The following CD247 variants were observed in gnomAD, a reference collection of about 807,000 sequenced individuals.
CD247 encodes the protein T-cell surface glycoprotein CD3 zeta chain.
A neutral mutation model predicts 30.0 loss-of-function variants in CD247; 13 were observed. The observed-to-expected ratio is 0.43, with a 90% CI of 0.28 to 0.69. The LOEUF (loss-of-function observed/expected upper bound fraction) is 0.69, where lower values mean the gene tolerates loss of function less well. Ranked by LOEUF, CD247 falls within the 30% of genes least tolerant of loss-of-function variation. CD247 has a pLI of 0.16. For synonymous variants in CD247, 72 were observed against 80.0 expected, an observed-to-expected ratio of 0.90 and a Z score of 0.53; for missense variants, 193 against 212.6, an observed-to-expected ratio of 0.91 and a Z score of 0.57.
chr1:167,469,681 G>A (rs1653419130), intron 1 of CD247, among the ~76,000 whole-genome samples: 1 of 152,006 alleles, frequency 6.6e-6, no homozygotes, highest in African/African-American at 2.4e-5. Flanking sequence ...ATAAAGGAAA[G>A]TGTTCAAGCA....
At chr1:167,497,186 T>C (rs1348109031) in intron 1 of CD247, among the ~76,000 whole-genome samples, 1 of 152,212 alleles carries the variant, frequency 6.6e-6, no homozygotes, top group African/African-American at 2.4e-5. Flanking sequence ...CCATGATTTA[T>C]TGCTAAGTAA....
chr1:167,461,828 A>G (rs922948204), intron 1 of CD247, among the ~76,000 whole-genome samples: 4 of 94,640 alleles, frequency 4.2e-5, no homozygotes, highest in Admixed American at 1.2e-4. Flanking sequence ...AGCCTGGGCG[A>G]CAGGCTCAAA....
Position 167,494,571 on chromosome 1 carries a change from A to G in CD247, c.58+23837T>C, listed in dbSNP as rs1443981783. 6.6e-6 allele frequency among the ~76,000 whole-genome samples: 1 copy of G among 152,108 alleles called. No individual in the cohort carries two copies. The highest frequency in any genetic ancestry group is 1.5e-5 in the Non-Finnish European group (1 of 68,026). ...TGAGAAAATGGGTGGGGAGGTAATA[A>G]TTAGTGAACAGCACCATTCAAAGCT... On this transcript the variant is annotated intron_variant, in intron 1 of 7. Coordinates refer to ENST00000362089, the MANE Select transcript of CD247 (RefSeq NM_198053.3). The surrounding 1 kb of genome is among the most constrained non-coding windows in gnomAD (Gnocchi z 7.3).
rs35198588 is a variant in CD247, at chr1:167,449,922, C to CA, written c.59-9156dup. ...TGGGTGACAAAGTGAGACTCTGTCT[C>CA]AAAAAAAAAAAAATTTCCTGAAGAA... On this transcript the variant is annotated intron_variant, in intron 1 of 7. Coordinates refer to ENST00000362089, the MANE Select transcript of CD247 (RefSeq NM_198053.3). Among the ~76,000 whole-genome samples the CA allele has an allele frequency of 4.5e-3, 613 of 136,386 alleles. 6 individuals carry two copies. The highest frequency in any genetic ancestry group is 0.014 in the African/African-American group (526 of 37,170). 89.5% of individuals were successfully genotyped at this position (136,386 alleles called of 152,430 possible). A position where few individuals can be genotyped will look rare whatever the true frequency, so the allele number is the denominator to read the frequency against.
At chr1:167,435,773 T>C (rs1003559193) in intron 4 of CD247, among the ~76,000 whole-genome samples, 4 of 152,192 alleles carry the variant, frequency 2.6e-5, no homozygotes, top group Non-Finnish European at 5.9e-5. Flanking sequence ...TCACATACCA[T>C]CATTTGGAGC....
chr1:167,477,484 G>T (rs1653798873), intron 1 of CD247, among the ~76,000 whole-genome samples: 1 of 152,092 alleles, frequency 6.6e-6, no homozygotes, highest in Admixed American at 6.6e-5. Context: ...CCCTCCTGTG[G>T]GCTTGGACTC....
At chr1:167,493,037 CTT>C (rs60850667) in intron 1 of CD247, among the ~76,000 whole-genome samples, 15 of 80,358 alleles carry the variant, frequency 1.9e-4, no homozygotes, top group African/African-American at 6.8e-4. Flanking sequence ...AATTTTTCTC[CTT>C]TTTTTTTTTT....
chr1:167,481,305 A>G (rs1236695485), intron 1 of CD247, among the ~76,000 whole-genome samples: 1 of 152,220 alleles, frequency 6.6e-6, no homozygotes, highest in Non-Finnish European at 1.5e-5. Flanking sequence ...ACAAACAAAA[A>G]GAGGCACTGA....
intron 1 of CD247, among the ~76,000 whole-genome samples, chr1:167,506,272 CTTTTCTTTTCTTTTCTTT>C (rs1655121221): frequency 1.7e-4 from 2 of 11,436 alleles, no homozygotes; most frequent in African/African-American, 7.8e-4. Context: ...TTTTCTTTTC[CTTTTCTTTTCTTTTCTTT>C]TTTCTTTTCT....
intron 3 of CD247, among the ~76,000 whole-genome samples, 165 bp from the exon 4 acceptor site, chr1:167,438,815 A>G (rs569940419): frequency 6.6e-6 from 1 of 152,296 alleles, no homozygotes; most frequent in East Asian, 1.9e-4. Context: ...ATCATCCCAG[A>G]GGACATCTCA....
chr1:167,484,916 G>A (rs555670865), intron 1 of CD247, among the ~76,000 whole-genome samples: 2 of 152,356 alleles, frequency 1.3e-5, no homozygotes, highest in East Asian at 3.9e-4. Context: ...GCTGTCCAGG[G>A]AGGGGCTCAT....
intron 4 of CD247, 86 bp downstream of exon 4, chr1:167,438,484 G>T: frequency 9.6e-7 from 1 of 1,044,514 alleles, no homozygotes; most frequent in Non-Finnish European, 1.5e-6. Flanking sequence ...TCTGGTTGCA[G>T]AGTGAGCTGA....
intron 1 of CD247, among the ~76,000 whole-genome samples, chr1:167,451,781 C>T (rs1652360916): frequency 6.6e-6 from 1 of 152,176 alleles, no homozygotes; most frequent in Admixed American, 6.5e-5. Context: ...TTAGTGGGGG[C>T]CCTGATCCAA....
intron 1 of CD247, among the ~76,000 whole-genome samples, chr1:167,498,925 C>G (rs1407935724): frequency 1.3e-5 from 2 of 152,172 alleles, no homozygotes; most frequent in Non-Finnish European, 2.9e-5. Context: ...TTGGGAAGAA[C>G]CATCCCAAAA....
chr1:167,447,192 G>A (rs1379596435), intron 1 of CD247, among the ~76,000 whole-genome samples: 1 of 152,150 alleles, frequency 6.6e-6, no homozygotes, highest in African/African-American at 2.4e-5. Flanking sequence ...GCACAATACG[G>A]GCAGAATTAT....
intron 1 of CD247, among the ~76,000 whole-genome samples, chr1:167,511,794 C>T (rs2102120535): frequency 6.6e-6 from 1 of 152,168 alleles, no homozygotes; most frequent in Non-Finnish European, 1.5e-5. Context: ...CCCCGAGAAA[C>T]CATGTTTGAG....
chr1:167,509,195 T>TTTTGTATTTTA (rs1352375573), intron 1 of CD247, among the ~76,000 whole-genome samples: 3 of 151,872 alleles, frequency 2.0e-5, no homozygotes, highest in Non-Finnish European at 4.4e-5. Context: ...GGAGAAACCC[T>TTTTGTATTTTA]GTCTCTACTA....
chr1:167,458,353 CCCAGG>C (rs386636485), intron 1 of CD247: 63 of 152,634 alleles, frequency 4.1e-4, no homozygotes, highest in African/African-American at 1.4e-3. Context: ...CAGGTGAGGC[CCCAGG>C]CTGTGACCAG....
chr1:167,491,236 GT>G (rs989288672), intron 1 of CD247, among the ~76,000 whole-genome samples: 69 of 152,292 alleles, frequency 4.5e-4, no homozygotes, highest in African/African-American at 1.6e-3. Flanking sequence ...TGGTACAGCT[GT>G]TGTGGAAAAC....
Sources: gnomAD v4.1 joint callset for allele counts (sites outside exome capture counted in the v4.1 genomes callset) on GRCh38, gnomAD v4.1.1 for gene constraint, Gnocchi (gnomAD v3.1) non-coding constraint, MANE v1.5 for transcripts, NCBI Gene and HGNC (gene_info 2026-07-23, HGNC 2026-07-21) for gene names.